The following DOP1A variants were observed in gnomAD, a reference collection of about 807,000 sequenced individuals.
DOP1A encodes the protein protein DOP1A.
A neutral mutation model predicts 267.6 loss-of-function variants in DOP1A; 90 were observed. That is an observed-to-expected ratio of 0.34 (90% CI 0.28 to 0.40). The LOEUF is 0.40. Among genes scored for constraint, DOP1A ranks in the 10% least tolerant of loss-of-function variants. The pLI, the probability that DOP1A is intolerant of heterozygous loss-of-function variation, is 1.00. For synonymous variants in DOP1A, 932 were observed against 999.1 expected (o/e 0.93, Z 1.27); for missense variants, 2,437 against 2,900.4 (o/e 0.84, Z 3.67).
At chr6:83,145,457 C>A in intron 24 of DOP1A, 67 bp from the exon 25 acceptor site, 1 of 1,314,096 alleles carries the variant, frequency 7.6e-7, no homozygotes, top group Non-Finnish European at 1.0e-6. Flanking sequence ...ATAAAATACT[C>A]TCTTCTGTAA....
chr6:83,158,399 T>C (rs1007111218), intron 35 of DOP1A, among the ~76,000 whole-genome samples, 168 bp from the exon 36 acceptor site: 6 of 152,102 alleles, frequency 3.9e-5, no homozygotes, highest in African/African-American at 1.2e-4. Context: ...AGCAAGGCTC[T>C]GTGTGGCTAA....
chr6:83,110,715 G>A (rs2182231), intron 6 of DOP1A, among the ~76,000 whole-genome samples: 117,410 of 152,062 alleles, frequency 0.77, 45,412 homozygotes, highest in Middle Eastern at 0.83. Flanking sequence ...ATATCTCTAG[G>A]GTGCTATACT....
At chr6:83,071,006 A>G (rs1785494900) in intron 1 of DOP1A, among the ~76,000 whole-genome samples, 1 of 152,230 alleles carries the variant, frequency 6.6e-6, no homozygotes, top group African/African-American at 2.4e-5. Flanking sequence ...CATAAACAGA[A>G]GGTGGACGTA....
chr6:83,155,633 C>T (rs778297789), intron 33 of DOP1A, among the ~76,000 whole-genome samples: 1 of 152,062 alleles, frequency 6.6e-6, no homozygotes, highest in Admixed American at 6.6e-5. Context: ...TTTAAAGTAA[C>T]GAGAAGGATT....
intron 1 of DOP1A, among the ~76,000 whole-genome samples, chr6:83,068,328 G>A (rs1234208705): frequency 6.6e-6 from 1 of 152,196 alleles, no homozygotes; most frequent in African/African-American, 2.4e-5. Context: ...TCAAACGGGT[G>A]TTGTTAACAA....
intron 38 of DOP1A, among the ~76,000 whole-genome samples, chr6:83,164,001 C>G (rs1784836299): frequency 6.6e-6 from 1 of 151,142 alleles, no homozygotes; most frequent in Admixed American, 6.6e-5. Context: ...CACCATTGGG[C>G]CTTTGTTATT....
chr6:83,090,932 A>G (rs762522727), intron 1 of DOP1A, among the ~76,000 whole-genome samples: 66 of 152,230 alleles, frequency 4.3e-4, no homozygotes, highest in Middle Eastern at 6.8e-3. Flanking sequence ...GGATTTGACT[A>G]TTGTATTAGT....
chr6:83,132,190 A>G lies in DOP1A; in HGVS notation c.2631A>G (p.Thr877=). 1.2e-6 allele frequency: 2 copies of G among 1,610,558 alleles called. No individual in the cohort carries two copies. Among genetic ancestry groups the G allele is most frequent in the South Asian group, 2.2e-5 (2 of 90,732 alleles). Residue 877 remains threonine (T), a synonymous_variant, in exon 18 of 39, where the codon ACA becomes ACG. Coordinates refer to ENST00000349129, the MANE Select transcript of DOP1A (RefSeq NM_015018.4). ...KTEFFKHVAL[T]LWDQLGDGTP... is the part of the protein sequence containing the mutation. ...CTTTTTTATAGCATGTAGCTTTAAC[A>G]TTGTGGGACCAGTTGGGAGATGGGA...
intron 38 of DOP1A, chr6:83,166,821 G>A: frequency 9.9e-7 from 1 of 1,012,714 alleles, no homozygotes. Flanking sequence ...AACAATGAAA[G>A]TTTCTGAGCA....
At chr6:83,143,091 TA>T (rs1185334646) in intron 24 of DOP1A, among the ~76,000 whole-genome samples, 2 of 152,212 alleles carry the variant, frequency 1.3e-5, no homozygotes, top group Non-Finnish European at 2.9e-5. Flanking sequence ...AATCCTGGAC[TA>T]CTTAAAAGCA....
chr6:83,108,822 A>G, intron 4 of DOP1A, 88 bp from the exon 5 acceptor site: 1 of 1,278,640 alleles, frequency 7.8e-7, no homozygotes, highest in Non-Finnish European at 1.1e-6. Flanking sequence ...TTTTCATCAG[A>G]AAGAAATATT....
At chr6:83,168,849 G>C, downstream of DOP1A, 1 of 1,037,612 alleles carries the variant, frequency 9.6e-7, no homozygotes, top group Non-Finnish European at 1.2e-6. Flanking sequence ...TCAGCAATGG[G>C]GAATGCTGCA....
chr6:83,088,450 G>A (rs1769716477), intron 1 of DOP1A, among the ~76,000 whole-genome samples: 1 of 129,452 alleles, frequency 7.7e-6, no homozygotes. Context: ...TTGAGATGGA[G>A]TCTCACTCTG....
At chr6:83,085,587 C>CA (rs966210798) in intron 1 of DOP1A, among the ~76,000 whole-genome samples, 40 of 151,052 alleles carry the variant, frequency 2.6e-4, no homozygotes, top group East Asian at 7.8e-4. Context: ...GCCTAGAATG[C>CA]AAAAAAAATT....
At position 83,140,094 on chromosome 6, in the gene DOP1A, A is replaced by G. The variant is rs548611404; in HGVS notation, c.5215A>G (p.Thr1739Ala). Reference sequence around the variant, plus strand: ...TATCCATTACTGTTTGTTGGATCCAACTACACAGTATCACCAAGTAAGACT... The same window carrying G: ...TATCCATTACTGTTTGTTGGATCCAGCTACACAGTATCACCAAGTAAGACT... ...AIIHYCLLDPTTQYHQLLVSV... is the reference protein window; with the variant it reads ...AIIHYCLLDPATQYHQLLVSV... Residue 1739 changes from threonine to alanine, a missense_variant, in exon 22 of 39, where the codon ACT (threonine) becomes GCT (alanine). Transcript: ENST00000349129. 45 of 1,612,930 alleles carry G rather than the reference A, an allele frequency of 2.8e-5. No homozygotes were observed. The highest frequency in any genetic ancestry group is 1.7e-4 in the Middle Eastern group (1 of 6,058).
chr6:83,069,705 T>A (rs1785287893), intron 1 of DOP1A, among the ~76,000 whole-genome samples: 1 of 152,202 alleles, frequency 6.6e-6, no homozygotes, highest in Non-Finnish European at 1.5e-5. Context: ...AAGACTTATC[T>A]TATTCTTTCT....
downstream of DOP1A, chr6:83,170,174 T>C: frequency 2.6e-6 from 2 of 758,502 alleles, no homozygotes; most frequent in Non-Finnish European, 4.2e-6. Context: ...TTTGTAGTCT[T>C]AATGTGAACC....
At chr6:83,089,130 C>T (rs1283614691) in intron 1 of DOP1A, among the ~76,000 whole-genome samples, 1 of 152,158 alleles carries the variant, frequency 6.6e-6, no homozygotes, top group Non-Finnish European at 1.5e-5. Context: ...CAGCCCTCCC[C>T]CTGCCTTTTG....
chr6:83,143,324 A>G (rs1381467979), intron 24 of DOP1A, among the ~76,000 whole-genome samples: 1 of 152,204 alleles, frequency 6.6e-6, no homozygotes, highest in Non-Finnish European at 1.5e-5. Flanking sequence ...ATTATCAGGT[A>G]TATTACAGCT....
Sources: gnomAD v4.1 joint callset for allele counts (sites outside exome capture counted in the v4.1 genomes callset) on GRCh38, gnomAD v4.1.1 for gene constraint, MANE v1.5 for transcripts, NCBI Gene and HGNC (gene_info 2026-07-23, HGNC 2026-07-21) for gene names.